SEZ6L: variants seen among roughly 807,000 people sequenced by gnomAD.
The protein encoded by SEZ6L is seizure 6-like protein.
SEZ6L carries 37 observed loss-of-function variants against 106.2 expected under a neutral mutation model. The observed-to-expected ratio is 0.35, with a 90% confidence interval of 0.27 to 0.46. SEZ6L has a LOEUF of 0.46. Among genes scored for constraint, SEZ6L ranks in the 20% least tolerant of loss-of-function variants. The pLI is 1.00. For synonymous variants in SEZ6L, 541 were observed against 570.4 expected (o/e 0.95, Z 0.73); for missense variants, 1,172 against 1,332.8 (o/e 0.88, Z 1.88).
At chr22:26,270,794 T>C (rs978922810) in intron 1 of SEZ6L, among the ~76,000 whole-genome samples, 6 of 152,184 alleles carry the variant, frequency 3.9e-5, no homozygotes, top group Non-Finnish European at 7.3e-5. Context: ...TGGTGTCTGC[T>C]AGGACACTCA....
chr22:26,327,945 T>TG (rs1452575959), intron 9 of SEZ6L, among the ~76,000 whole-genome samples: 2 of 152,246 alleles, frequency 1.3e-5, no homozygotes, highest in African/African-American at 2.4e-5. Context: ...AGATGCCATC[T>TG]GGGGTCACCC....
At chr22:26,189,588 T>C (rs1297328941) in intron 1 of SEZ6L, among the ~76,000 whole-genome samples, 1 of 150,828 alleles carries the variant, frequency 6.6e-6, no homozygotes, top group East Asian at 1.9e-4. Context: ...AACAACTATT[T>C]ACGTAGCATT....
chr22:26,208,696 T>A (rs1941421102), intron 1 of SEZ6L, among the ~76,000 whole-genome samples: 1 of 152,186 alleles, frequency 6.6e-6, no homozygotes. Context: ...ACATACATAG[T>A]CATAGTTTTC....
chr22:26,293,010 C>T lies in SEZ6L; in HGVS notation c.699C>T (p.Pro233=). 1.2e-6 allele frequency: 2 copies of T among 1,614,188 alleles called. No individual in the cohort carries two copies. The highest frequency in any genetic ancestry group is 1.7e-6 in the Non-Finnish European group (2 of 1,180,020). The change falls in exon 2 of 17, where the codon CCC becomes CCT. Residue 233 remains proline (P), a synonymous_variant. Transcript: ENST00000248933. ...EPGPDMAQEA[P]QEDTSPMALM... ...GGCCTGACATGGCCCAGGAGGCCCCCCAGGAGGACACCAGCCCCATGGCCC... is the reference window on the plus strand; with the variant it reads ...GGCCTGACATGGCCCAGGAGGCCCCTCAGGAGGACACCAGCCCCATGGCCC...
intron 5 of SEZ6L, among the ~76,000 whole-genome samples, chr22:26,304,421 AAAGAAAG>A (rs1397241146): frequency 6.7e-6 from 1 of 150,370 alleles, no homozygotes; most frequent in South Asian, 2.1e-4. Context: ...AGAAAGAAAG[AAAGAAAG>A]AAAAAGAAAG....
At chr22:26,312,063 A>G in intron 8 of SEZ6L, 101 bp downstream of exon 8, 12 of 1,185,574 alleles carry the variant, frequency 1.0e-5, no homozygotes, top group Non-Finnish European at 1.3e-5. Context: ...CCCAGTTTTC[A>G]TACCAACTTT....
intron 1 of SEZ6L, among the ~76,000 whole-genome samples, chr22:26,236,789 A>G (rs1163858693): frequency 6.6e-6 from 1 of 152,194 alleles, no homozygotes; most frequent in East Asian, 1.9e-4. Context: ...TCAATCAGTA[A>G]TACCTGCAGG....
chr22:26,262,328 C>A (rs1261462885), intron 1 of SEZ6L, among the ~76,000 whole-genome samples: 3 of 151,298 alleles, frequency 2.0e-5, no homozygotes, highest in Admixed American at 6.6e-5. Context: ...AGAAGAAGAA[C>A]ATATATGGCA....
intron 10 of SEZ6L, among the ~76,000 whole-genome samples, chr22:26,347,019 C>T (rs1001097957): frequency 1.3e-5 from 2 of 150,796 alleles, no homozygotes; most frequent in African/African-American, 2.4e-5. Flanking sequence ...CATACAAGAG[C>T]TCATCTCTAC....
At chr22:26,186,320 TAAAG>T (rs1174606116) in intron 1 of SEZ6L, among the ~76,000 whole-genome samples, 4 of 152,104 alleles carry the variant, frequency 2.6e-5, no homozygotes, top group Non-Finnish European at 4.4e-5. Context: ...GAGAAAGTAT[TAAAG>T]AAAAGCAATG....
At chr22:26,194,217 T>C (rs1261545410) in intron 1 of SEZ6L, among the ~76,000 whole-genome samples, 1 of 152,198 alleles carries the variant, frequency 6.6e-6, no homozygotes, top group Non-Finnish European at 1.5e-5. Flanking sequence ...ATAATTCCTA[T>C]GTCACAGATG....
chr22:26,170,011 C>G (rs780970397), intron 1 of SEZ6L, among the ~76,000 whole-genome samples: 1 of 152,124 alleles, frequency 6.6e-6, no homozygotes, highest in Non-Finnish European at 1.5e-5. Context: ...TTCGGTCTTC[C>G]CCGGCTGCGG....
intron 13 of SEZ6L, among the ~76,000 whole-genome samples, chr22:26,366,860 G>T (rs2083832220): frequency 6.6e-6 from 1 of 152,084 alleles, no homozygotes; most frequent in African/African-American, 2.4e-5. Context: ...TGTTGGCCAG[G>T]CTGGCCTAGA....
chr22:26,169,549 G>C lies in SEZ6L; in HGVS notation c.-121G>C. On this transcript the variant is annotated 5_prime_UTR_variant, in exon 1 of 17. Transcript: ENST00000248933. The stretch of plus-strand genomic sequence containing the variant: ...CCCAGGGGGCTCCGGAAGCTGCCCC[G>C]GCCCGCGGCCTCCTCCCTCGCTCCC... 2.5e-6 allele frequency: 1 copy of C among 403,144 alleles called. No individual in the cohort carries two copies. The highest frequency in any genetic ancestry group is 4.3e-6 in the Non-Finnish European group (1 of 230,254). The allele number at this position is 403,144 out of a possible 1,614,324, so 25.0% of individuals were successfully genotyped here.
intron 5 of SEZ6L, among the ~76,000 whole-genome samples, chr22:26,302,709 A>C (rs1282545505): frequency 2.0e-5 from 3 of 152,182 alleles, no homozygotes; most frequent in African/African-American, 7.2e-5. Flanking sequence ...CCTCTCTCAC[A>C]TTAATTTTTA....
chr22:26,259,505 G>A (rs1052734488), intron 1 of SEZ6L, among the ~76,000 whole-genome samples: 3 of 152,030 alleles, frequency 2.0e-5, no homozygotes, highest in Non-Finnish European at 4.4e-5. Context: ...CAACATGATC[G>A]GTAAGAGGCA....
At chr22:26,311,386 C>T (rs1420908046) in intron 7 of SEZ6L, among the ~76,000 whole-genome samples, 1 of 152,208 alleles carries the variant, frequency 6.6e-6, no homozygotes, top group Non-Finnish European at 1.5e-5. Context: ...GGGGGACTTT[C>T]TGTTCTGGCT....
intron 11 of SEZ6L, among the ~76,000 whole-genome samples, chr22:26,350,091 T>C (rs1488094836): frequency 1.3e-5 from 2 of 151,980 alleles, no homozygotes; most frequent in Admixed American, 6.6e-5. Context: ...TGTTTCCTTT[T>C]TAAAAAAATC....
chr22:26,218,226 A>G (rs1443993619), intron 1 of SEZ6L, among the ~76,000 whole-genome samples: 1 of 152,028 alleles, frequency 6.6e-6, no homozygotes, highest in African/African-American at 2.4e-5. Flanking sequence ...CTGAACCACT[A>G]GTTTTGTTTG....
Sources: gnomAD v4.1 joint callset for allele counts (sites outside exome capture counted in the v4.1 genomes callset) on GRCh38, gnomAD v4.1.1 for gene constraint, MANE v1.5 for transcripts, NCBI Gene and HGNC (gene_info 2026-07-23, HGNC 2026-07-21) for gene names.